ADAR: variants seen among roughly 807,000 people sequenced by gnomAD.
The protein encoded by ADAR is double-stranded RNA-specific adenosine deaminase.
A neutral mutation model predicts 113.2 loss-of-function variants in ADAR; 41 were observed. The observed-to-expected ratio is 0.36, with a 90% CI of 0.28 to 0.47. The LOEUF is 0.47. Among genes scored for constraint, ADAR ranks in the 20% least tolerant of loss-of-function variants. ADAR has a pLI of 1.00. For synonymous variants in ADAR, 605 were observed against 572.6 expected, an observed-to-expected ratio of 1.06 and a Z score of -0.81; for missense variants, 1,242 against 1,540.9, an observed-to-expected ratio of 0.81 and a Z score of 3.25.
At chr1:154,605,980 T>TTCA in intron 1 of ADAR, 2 of 948,854 alleles carry the variant, frequency 2.1e-6, no homozygotes, top group Non-Finnish European at 2.5e-6. Context: ...TTATGAAACA[T>TTCA]TCATTCTATG....
In ADAR at chr1:154,583,305, T is replaced by TG. The variant is rs1696528759; in HGVS notation, c.*1500dup. ...CTTGGGCTCTTCCCTGCTCTGCTCTTGGAGTCATGACCAACACTCTAAAAG... is the reference window on the plus strand; with the variant it reads ...CTTGGGCTCTTCCCTGCTCTGCTCTTGGGAGTCATGACCAACACTCTAAAAG... On this transcript the variant is annotated 3_prime_UTR_variant, in exon 15 of 15. Transcript: ENST00000368474. 1 of 152,220 alleles carries TG rather than the reference T, an allele frequency of 6.6e-6. No individual in the cohort carries two copies. 9.4% of individuals were successfully genotyped at this position (152,220 alleles called of 1,614,324 possible). A position where few individuals can be genotyped will look rare whatever the true frequency, so the allele number is the denominator to read the frequency against.
At chr1:154,614,261 G>A (rs1421377311) in intron 1 of ADAR, among the ~76,000 whole-genome samples, 10 of 152,198 alleles carry the variant, frequency 6.6e-5, no homozygotes, top group African/African-American at 9.7e-5. Flanking sequence ...CCCTTAAGCC[G>A]CTTCTCCGAT....
chr1:154,593,135 C>CAAAAAAAAAAAAAAAAAA (rs66567439), intron 6 of ADAR, among the ~76,000 whole-genome samples: 1 of 74,672 alleles, frequency 1.3e-5, no homozygotes. Flanking sequence ...ACTCCATCTC[C>CAAAAAAAAAAAAAAAAAA]AAAAAAAAAA....
exon 1 of ADAR, chr1:154,627,914 A>AGCCTCCCCCCCCCCCCCCCCCCC: frequency 8.6e-6 from 4 of 463,322 alleles, no homozygotes; most frequent in South Asian, 3.0e-5. Context: ...TGCGGCCGCG[A>AGCCTCCCCCCCCCCCCCCCCCCC]CCCTCCCCCC....
chr1:154,593,172 A>G (rs1204214069), intron 6 of ADAR, among the ~76,000 whole-genome samples: 1 of 151,078 alleles, frequency 6.6e-6, no homozygotes, highest in Non-Finnish European at 1.5e-5. Flanking sequence ...AAGAAGTCAT[A>G]AAATTAGTTA....
Position 154,602,574 on chromosome 1 carries a change from C to G in ADAR, c.68G>C (p.Arg23Thr). ...CCCAGGCTGCTGGTACCTGAGCTGT[C>G]TGTGCTCATAGCCTTGAAATGGATG... ...YTHPFQGYEH[R>T]QLRYQQPGPG... Residue 23 changes from arginine (R) to threonine (T), a missense_variant, in exon 2 of 15, where the codon AGA becomes ACA. This residue lies in a region of ADAR where 462 missense variants were observed against 483.1 expected (regional missense o/e 0.96). Transcript: ENST00000368474. The G allele has an allele frequency of 6.2e-7, 1 of 1,614,150 alleles. No individual in the cohort carries two copies. Among genetic ancestry groups the G allele is most frequent in the East Asian group, 2.2e-5 (1 of 44,892 alleles).
At chr1:154,603,344 G>C (rs1698003424) in intron 1 of ADAR, among the ~76,000 whole-genome samples, 1 of 152,200 alleles carries the variant, frequency 6.6e-6, no homozygotes, top group Non-Finnish European at 1.5e-5. Flanking sequence ...TCTTCAGGGA[G>C]CTGGAGGGTT....
intron 1 of ADAR, among the ~76,000 whole-genome samples, chr1:154,626,619 T>C (rs1004727834): frequency 6.6e-6 from 1 of 152,118 alleles, no homozygotes; most frequent in Non-Finnish European, 1.5e-5. Context: ...AGGGAGCAAG[T>C]CCAAGCTCCT....
intron 13 of ADAR, 104 bp from the exon 14 acceptor site, chr1:154,585,448 A>T: frequency 6.5e-7 from 1 of 1,541,468 alleles, no homozygotes; most frequent in Non-Finnish European, 8.9e-7. Context: ...TGGGGTCATG[A>T]TCTTTCCCCT....
intron 1 of ADAR, among the ~76,000 whole-genome samples, chr1:154,605,242 A>G (rs1698117394): frequency 6.6e-6 from 1 of 152,040 alleles, no homozygotes; most frequent in Admixed American, 6.6e-5. Context: ...CTACATGCCA[A>G]TCCAGGTGGC....
At position 154,593,135 on chromosome 1, in the gene ADAR, CAAAAAAA is replaced by C. The variant is rs66567439; in HGVS notation, c.2271-2733_2271-2727del. Among the ~76,000 whole-genome samples the C allele has an allele frequency of 6.7e-5, 5 of 74,664 alleles. No homozygotes were observed. In the East Asian group the frequency reaches 2.2e-3, roughly 32 times the overall value. The allele number at this position is 74,664 out of a possible 152,430, so 49.0% of individuals were successfully genotyped here. ...GGGTGACAGAGTGAGACTCCATCTC[CAAAAAAA>C]AAAAAAAAAAAAAACAGAAAAGAAG... On this transcript the variant is annotated intron_variant, in intron 6 of 14. Coordinates refer to ENST00000368474, the MANE Select transcript of ADAR (RefSeq NM_001111.5).
chr1:154,596,823 C>T lies in ADAR; in HGVS notation c.2252G>A (p.Gly751Glu). 3 of 1,613,362 alleles carry T rather than the reference C, an allele frequency of 1.9e-6. No individual in the cohort carries two copies. The highest frequency in any genetic ancestry group is 2.5e-6 in the Non-Finnish European group (3 of 1,180,024). ...CACTCACTTGGGCTCGTGAGGAGGT[C>T]CGGACTGGTCGACCAACTTGAATTC... Reference protein sequence around the residue: ...AAEFKLVDQSGPPHEPKFVYQ... With the variant: ...AAEFKLVDQSEPPHEPKFVYQ... The change falls in exon 6 of 15, where the codon GGA becomes GAA. Residue 751 changes from glycine to glutamate, a missense_variant. Transcript: ENST00000368474.
chr1:154,607,596 G>A (rs907105440), intron 1 of ADAR, among the ~76,000 whole-genome samples: 4 of 152,102 alleles, frequency 2.6e-5, no homozygotes, highest in Non-Finnish European at 5.9e-5. Context: ...ATGGGCTCAG[G>A]CCTTCCTACT....
Position 154,618,052 on chromosome 1 carries a change from T to A in ADAR, c.-871+9803A>T, listed in dbSNP as rs891333323. ...CTTTATATGCATATGTATATATGCA[T>A]CTAAAGTATATATTCTTTATATAGT... On this transcript the variant is annotated intron_variant, in intron 1 of 14. Transcript: ENST00000368471. Among the ~76,000 whole-genome samples the A allele has an allele frequency of 1.8e-4, 27 of 151,076 alleles. No homozygotes were observed. The East Asian group carries it at 5.0e-3, about 28-fold the overall frequency.
intron 1 of ADAR, 87 bp from the exon 2 acceptor site, chr1:154,602,713 C>T: frequency 6.5e-7 from 1 of 1,542,594 alleles, no homozygotes; most frequent in Non-Finnish European, 8.8e-7. Context: ...GCCTGTGGAA[C>T]AGCCCTTGAA....
intron 12 of ADAR, 130 bp downstream of exon 12, chr1:154,586,047 CTCAA>C (rs923984340): frequency 9.3e-6 from 12 of 1,288,378 alleles, no homozygotes; most frequent in Non-Finnish European, 1.2e-5. Flanking sequence ...AGACTGGACA[CTCAA>C]TCAATTACTG....
In ADAR at chr1:154,614,354, T is replaced by G. The variant is rs561600063; in HGVS notation, c.-870-11728A>C. Among the ~76,000 whole-genome samples, 4 of 152,348 alleles carry G rather than the reference T, an allele frequency of 2.6e-5. No homozygotes were observed. In the East Asian group the frequency reaches 7.7e-4, roughly 29 times the overall value. ...CAGAGGTTCCGCTACTGGCCTACAT[T>G]TGGGTTCTATTGAGTCAGGACCCAA... On this transcript the variant is annotated intron_variant, in intron 1 of 14. Coordinates refer to the ADAR transcript ENST00000368471.
upstream of ADAR, among the ~76,000 whole-genome samples, chr1:154,612,827 T>C (rs963738879): frequency 3.9e-5 from 6 of 152,044 alleles, no homozygotes; most frequent in Non-Finnish European, 5.9e-5. Flanking sequence ...TCTTTCTTTT[T>C]TTGAGATAGA....
At chr1:154,611,390 C>T (rs1416978698), upstream of ADAR, among the ~76,000 whole-genome samples, 1 of 151,986 alleles carries the variant, frequency 6.6e-6, no homozygotes, top group Non-Finnish European at 1.5e-5. Context: ...TGCAGACAGT[C>T]TTATTCATAA....
Sources: allele counts gnomAD v4.1 joint callset (sites outside exome capture counted in the v4.1 genomes callset), GRCh38; gene constraint gnomAD v4.1.1; regional missense constraint gnomAD v4.1.1; transcripts MANE v1.5; gene names NCBI Gene and HGNC (gene_info 2026-07-23, HGNC 2026-07-21).